HMGN3: variants seen among roughly 807,000 people sequenced by gnomAD.
HMGN3 encodes high mobility group nucleosome-binding domain-containing protein 3.
Under a neutral mutation model 18.8 loss-of-function variants are expected in HMGN3, and 6 were observed. That is an observed-to-expected ratio of 0.32 (90% CI 0.18 to 0.63). The LOEUF is 0.63. HMGN3 is among the 30% of genes least tolerant of loss of function. The pLI is 0.79. For missense variants in HMGN3, 107 were observed against 114.2 expected, an observed-to-expected ratio of 0.94 and a Z score of 0.29; for synonymous variants, 40 against 36.5, an observed-to-expected ratio of 1.10 and a Z score of -0.35.
At chr6:79,230,979 A>C (rs1448918626) in intron 1 of HMGN3, among the ~76,000 whole-genome samples, 1 of 152,204 alleles carries the variant, frequency 6.6e-6, no homozygotes, top group Non-Finnish European at 1.5e-5. Flanking sequence ...CATTTTAAGG[A>C]AACAGATAAA....
chr6:79,210,903 C>T (rs1424924114), intron 2 of HMGN3, among the ~76,000 whole-genome samples: 6 of 151,136 alleles, frequency 4.0e-5, no homozygotes, highest in African/African-American at 1.5e-4. Context: ...CCAATCTAAG[C>T]ACTGCTCTAC....
exon 6 of HMGN3, chr6:79,201,509 G>C (rs1015865559): frequency 3.6e-6 from 2 of 551,316 alleles, no homozygotes; most frequent in Non-Finnish European, 6.5e-6. Flanking sequence ...TTTACTTGAG[G>C]ATGATGTAAA....
chr6:79,218,210 G>A (rs905986014), intron 1 of HMGN3, among the ~76,000 whole-genome samples: 2 of 152,140 alleles, frequency 1.3e-5, no homozygotes, highest in African/African-American at 4.8e-5. Flanking sequence ...CCCCAAGAAG[G>A]AAAACAATGG....
At chr6:79,218,605 G>T (rs1435181260) in intron 1 of HMGN3, among the ~76,000 whole-genome samples, 1 of 152,064 alleles carries the variant, frequency 6.6e-6, no homozygotes, top group Admixed American at 6.6e-5. Context: ...TACAAGAAAA[G>T]TCTATAAAGA....
chr6:79,214,898 G>T, intron 2 of HMGN3, 74 bp downstream of exon 2: 1 of 847,072 alleles, frequency 1.2e-6, no homozygotes, highest in Non-Finnish European at 1.9e-6. Flanking sequence ...ATTTCATTCA[G>T]ATGCAGACAA....
intron 1 of HMGN3, among the ~76,000 whole-genome samples, chr6:79,222,627 G>A (rs1777356886): frequency 6.6e-6 from 1 of 152,126 alleles, no homozygotes; most frequent in Non-Finnish European, 1.5e-5. Flanking sequence ...TGATCCTGTA[G>A]GTGTATGTCT....
At position 79,224,809 on chromosome 6, in the gene HMGN3, G is replaced by C. The variant is rs114518741; in HGVS notation, c.15+9737C>G. ...TATTGTTATAACAGGGCTCTTAAAA[G>C]AGATGTTACCAGATGGTTACTTTAT... is the stretch of plus-strand genomic sequence containing the variant. On this transcript the variant is annotated intron_variant, in intron 1 of 5. Coordinates refer to ENST00000344726, the Ensembl canonical transcript of HMGN3. Among the ~76,000 whole-genome samples the C allele has an allele frequency of 5.3e-3, 802 of 152,272 alleles. 7 individuals carry two copies. Among genetic ancestry groups the C allele is most frequent in the Non-Finnish European group, 8.5e-3 (579 of 68,010 alleles).
intron 3 of HMGN3, 42 bp downstream of exon 3, chr6:79,208,505 T>G: frequency 6.7e-7 from 1 of 1,491,810 alleles, no homozygotes; most frequent in Non-Finnish European, 9.4e-7. Context: ...AGGGAACATG[T>G]ACTCATAAGA....
At chr6:79,223,542 AC>A (rs1777411292) in intron 1 of HMGN3, among the ~76,000 whole-genome samples, 3 of 151,392 alleles carry the variant, frequency 2.0e-5, no homozygotes, top group African/African-American at 7.3e-5. Flanking sequence ...ACAAACAAAC[AC>A]CCACAAAAAA....
intron 1 of HMGN3, among the ~76,000 whole-genome samples, chr6:79,221,556 C>G (rs191872494): frequency 3.1e-4 from 47 of 152,314 alleles, no homozygotes; most frequent in Non-Finnish European, 5.4e-4. Context: ...GACCTTCTTT[C>G]ATGTAAACAG....
chr6:79,234,339 A>G (rs1187738411), intron 1 of HMGN3: 7 of 474,438 alleles, frequency 1.5e-5, no homozygotes, highest in Non-Finnish European at 2.7e-5. Flanking sequence ...GAGAGAAAGT[A>G]ACATTAAGAG....
chr6:79,202,136 G>A (rs1776167243), intron 5 of HMGN3: 3 of 1,559,382 alleles, frequency 1.9e-6, no homozygotes, highest in Non-Finnish European at 2.6e-6. Context: ...GACATTAACA[G>A]TTGAGCGAGA....
At chr6:79,214,816 A>T (rs946580907) in intron 2 of HMGN3, among the ~76,000 whole-genome samples, 156 bp downstream of exon 2, 11 of 152,352 alleles carry the variant, frequency 7.2e-5, no homozygotes, top group Middle Eastern at 3.4e-3. Flanking sequence ...ACATATAGAC[A>T]CTTATCGCTC....
chr6:79,206,294 C>T (rs1776416393), intron 3 of HMGN3, among the ~76,000 whole-genome samples: 2 of 152,170 alleles, frequency 1.3e-5, no homozygotes, highest in Admixed American at 1.3e-4. Context: ...TTGCAGCAGC[C>T]TCTCCCATTA....
chr6:79,225,658 C>A (rs974036290), intron 1 of HMGN3, among the ~76,000 whole-genome samples: 1 of 152,136 alleles, frequency 6.6e-6, no homozygotes, highest in African/African-American at 2.4e-5. Context: ...ATGGAAGTAG[C>A]AAATCCAGCA....
intron 1 of HMGN3, among the ~76,000 whole-genome samples, chr6:79,226,083 G>C (rs1436386514): frequency 6.6e-6 from 1 of 152,172 alleles, no homozygotes; most frequent in Non-Finnish European, 1.5e-5. Context: ...AAGTATTATG[G>C]TGTAATAGTT....
At chr6:79,205,228 C>T (rs35742788) in intron 3 of HMGN3, among the ~76,000 whole-genome samples, 7,740 of 152,286 alleles carry the variant, frequency 0.051, 214 homozygotes, top group South Asian at 0.1. Context: ...ACAACAGCAA[C>T]CCCAGCTCTT....
At chr6:79,229,635 T>G (rs1018376767) in intron 1 of HMGN3, among the ~76,000 whole-genome samples, 1 of 152,152 alleles carries the variant, frequency 6.6e-6, no homozygotes, top group East Asian at 1.9e-4. Context: ...CCCAGCACTT[T>G]GGGAGGCCGA....
chr6:79,219,908 C>T (rs1004714590), intron 1 of HMGN3, among the ~76,000 whole-genome samples: 5 of 152,124 alleles, frequency 3.3e-5, no homozygotes, highest in African/African-American at 1.2e-4. Flanking sequence ...TAGTTTTACC[C>T]AGGTTGCTCC....
Sources: allele counts gnomAD v4.1 joint callset (sites outside exome capture counted in the v4.1 genomes callset), GRCh38; gene constraint gnomAD v4.1.1; transcripts MANE v1.5; gene names NCBI Gene and HGNC (gene_info 2026-07-23, HGNC 2026-07-21).